Variants in ABCB5 observed in about 807,000 individuals in gnomAD.
ABCB5 encodes ATP-binding cassette sub-family B member 5.
Under a neutral mutation model 144.2 loss-of-function variants are expected in ABCB5, and 155 were observed. That is an observed-to-expected ratio of 1.08 (90% confidence interval 0.94 to 1.23). The LOEUF is 1.23. ABCB5 is among the 50% of genes most tolerant of loss of function. ABCB5 has a pLI of 0.00. For synonymous variants in ABCB5, 610 were observed against 528.6 expected, an observed-to-expected ratio of 1.15 and a Z score of -2.11; for missense variants, 1,830 against 1,520.8, an observed-to-expected ratio of 1.20 and a Z score of -3.38.
At chr7:20,648,538 G>T (rs6950370) in intron 11 of ABCB5, among the ~76,000 whole-genome samples, 1 of 151,774 alleles carries the variant, frequency 6.6e-6, no homozygotes, top group Non-Finnish European at 1.5e-5. Flanking sequence ...ACACACACAC[G>T]CAGTTTATCG....
chr7:20,704,805 G>C lies in ABCB5; in HGVS notation c.2419G>C (p.Gly807Arg). The change falls in exon 20 of 28, where the codon GGA (glycine) becomes CGA (arginine). Residue 807 changes from glycine (G) to arginine (R), a missense_variant and splice_region_variant. Physicochemically the swap from Gly to Arg is moderately radical, Grantham distance 125. Transcript: ENST00000404938. ...ILAIDIAQIQ[G>R]ATGSRIGVLT... ...AGCCATAGATATAGCACAAATTCAA[G>C]GAGTATGTATATTGTTTTTATTGTA... 1 of 1,610,192 alleles carries C rather than the reference G, an allele frequency of 6.2e-7. No individual in the cohort carries two copies. Among genetic ancestry groups the C allele is most frequent in the Non-Finnish European group, 8.5e-7 (1 of 1,176,938 alleles).
chr7:20,746,835 G>T (rs917454551), intron 26 of ABCB5, among the ~76,000 whole-genome samples: 1 of 152,068 alleles, frequency 6.6e-6, no homozygotes, highest in African/African-American at 2.4e-5. Flanking sequence ...TTTCATGTAG[G>T]GGCGAATTTC....
At chr7:20,623,775 A>C (rs189521457) in intron 2 of ABCB5, among the ~76,000 whole-genome samples, 122 of 152,360 alleles carry the variant, frequency 8.0e-4, no homozygotes, top group African/African-American at 2.9e-3. Flanking sequence ...AAGTTTCTAC[A>C]CGTGGAATTC....
At chr7:20,647,348 T>C in intron 9 of ABCB5, 187 bp from the exon 10 acceptor site, 1 of 1,344,996 alleles carries the variant, frequency 7.4e-7, no homozygotes, top group Non-Finnish European at 9.5e-7. Context: ...TTTCTATTGC[T>C]TCTCGGCCTT....
chr7:20,649,107 G>A (rs1784500769), intron 11 of ABCB5, among the ~76,000 whole-genome samples: 1 of 151,934 alleles, frequency 6.6e-6, no homozygotes, highest in Non-Finnish European at 1.5e-5. Context: ...ATTTTGGGGG[G>A]GTCCACCTAT....
At chr7:20,633,393 C>T (rs1410268132) in intron 5 of ABCB5, among the ~76,000 whole-genome samples, 1 of 151,996 alleles carries the variant, frequency 6.6e-6, no homozygotes, top group African/African-American at 2.4e-5. Flanking sequence ...TTCTTTTCCC[C>T]CCAAAATGAA....
rs1782600844 is a variant in ABCB5, at chr7:20,742,756, T to C, written c.3025-121T>C. 29 of 947,326 alleles carry C rather than the reference T, an allele frequency of 3.1e-5. No homozygotes were observed. The South Asian group carries it at 4.6e-4, about 15-fold the overall frequency. The allele number at this position is 947,326 out of a possible 1,614,324, so 58.7% of individuals were successfully genotyped here. A position where few individuals can be genotyped will look rare whatever the true frequency, so the allele number is the denominator to read the frequency against. ...ACAGCTCTACAGAGATGCATACATG[T>C]TTAAAATTAAAAGGGCTCTGGAAAC... On this transcript the variant is annotated intron_variant, in intron 24 of 27. Transcript: ENST00000404938.
intron 23 of ABCB5, among the ~76,000 whole-genome samples, chr7:20,729,294 C>G (rs1351978017): frequency 6.6e-6 from 1 of 152,208 alleles, no homozygotes; most frequent in Non-Finnish European, 1.5e-5. Flanking sequence ...AATATGCCTT[C>G]TTGTCATTCA....
intron 26 of ABCB5, among the ~76,000 whole-genome samples, chr7:20,746,708 T>A (rs1782734965): frequency 6.6e-6 from 1 of 152,148 alleles, no homozygotes; most frequent in Non-Finnish European, 1.5e-5. Flanking sequence ...TTGATACAAA[T>A]CCAAAAACAG....
At chr7:20,691,089 T>A (rs1358929556) in intron 16 of ABCB5, among the ~76,000 whole-genome samples, 2 of 150,584 alleles carry the variant, frequency 1.3e-5, no homozygotes, top group Non-Finnish European at 3.0e-5. Context: ...AGATGAAACT[T>A]GTCATTGACC....
chr7:20,672,286 C>T (rs376649792), intron 14 of ABCB5, among the ~76,000 whole-genome samples: 74 of 151,660 alleles, frequency 4.9e-4, no homozygotes, highest in African/African-American at 1.7e-3. Context: ...AGTGTGTCTT[C>T]CAAAGGCCAG....
intron 13 of ABCB5, among the ~76,000 whole-genome samples, chr7:20,656,837 T>G (rs919671992): frequency 4.0e-5 from 6 of 151,578 alleles, no homozygotes; most frequent in Non-Finnish European, 8.8e-5. Flanking sequence ...TAGCCAAAAA[T>G]AGGAAACAAT....
intron 15 of ABCB5, 84 bp downstream of exon 15, chr7:20,681,750 T>A: frequency 1.3e-6 from 2 of 1,490,500 alleles, no homozygotes; most frequent in Admixed American, 2.2e-5. Flanking sequence ...AAGTTGCAAA[T>A]TATAATCTTA....
chr7:20,623,414 A>G, intron 2 of ABCB5, 76 bp downstream of exon 2: 1 of 1,209,964 alleles, frequency 8.3e-7, no homozygotes, highest in Non-Finnish European at 1.2e-6. Flanking sequence ...CCTATAGCAA[A>G]AATGTTTATA....
chr7:20,706,879 ACAAT>A (rs1786843999), intron 20 of ABCB5, among the ~76,000 whole-genome samples: 1 of 152,238 alleles, frequency 6.6e-6, no homozygotes, highest in South Asian at 2.1e-4. Context: ...AATGAATAAA[ACAAT>A]CGAAGAAAGA....
At chr7:20,653,910 C>A (rs1347517936) in intron 13 of ABCB5, among the ~76,000 whole-genome samples, 1 of 152,178 alleles carries the variant, frequency 6.6e-6, no homozygotes, top group Non-Finnish European at 1.5e-5. Context: ...ACATTAACAC[C>A]TTTTTAACCC....
At chr7:20,656,089 G>A (rs1227631075) in intron 13 of ABCB5, among the ~76,000 whole-genome samples, 1 of 145,190 alleles carries the variant, frequency 6.9e-6, no homozygotes, top group African/African-American at 2.6e-5. Context: ...TTATCCTTGT[G>A]GAAAAAATAA....
intron 13 of ABCB5, among the ~76,000 whole-genome samples, chr7:20,653,770 T>A (rs1784678878): frequency 6.6e-6 from 1 of 152,178 alleles, no homozygotes; most frequent in Non-Finnish European, 1.5e-5. Context: ...AATCCTTGTC[T>A]GAGGATAAGA....
rs1436353909 is a variant in ABCB5 at position 20,626,847 on chromosome 7, TTTTTGGG to T, written c.108+237_108+243del. On this transcript the variant is annotated intron_variant, in intron 3 of 27. Coordinates refer to ENST00000404938, the MANE Select transcript of ABCB5 (RefSeq NM_001163941.2). ...ATAATGACTCAGTGTTTTAAAAGTG[TTTTTGGG>T]GTGTGTGTGTGTGTGTGTGTGTGTG... is the stretch of plus-strand genomic sequence containing the variant. 4.7e-4 allele frequency among the ~76,000 whole-genome samples: 62 copies of T among 133,134 alleles called. 2 individuals are homozygous for T. The highest frequency in any genetic ancestry group is 4.1e-3 in the Admixed American group (51 of 12,398). The allele number at this position is 133,134 out of a possible 152,430, so 87.3% of individuals were successfully genotyped here.
Sources: gnomAD v4.1 joint callset for allele counts (sites outside exome capture counted in the v4.1 genomes callset) on GRCh38, gnomAD v4.1.1 for gene constraint, MANE v1.5 for transcripts, NCBI Gene and HGNC (gene_info 2026-07-23, HGNC 2026-07-21) for gene names.